The following SEL1L2 variants were observed in gnomAD, a reference collection of about 807,000 sequenced individuals.
The protein encoded by SEL1L2 is protein sel-1 homolog 2.
SEL1L2 carries 89 observed loss-of-function variants against 98.8 expected under a neutral mutation model. That is an observed-to-expected ratio of 0.90 (90% CI 0.76 to 1.07). SEL1L2 has a LOEUF of 1.07. Among genes scored for constraint, SEL1L2 ranks in the 50% least tolerant of loss-of-function variants. SEL1L2 has a pLI of 0.00. For missense variants in SEL1L2, 788 were observed against 812.0 expected (o/e 0.97, Z 0.36); for synonymous variants, 262 against 278.5 (o/e 0.94, Z 0.59).
At chr20:13,988,387 T>C (rs1361304231) in intron 1 of SEL1L2, among the ~76,000 whole-genome samples, 1 of 152,130 alleles carries the variant, frequency 6.6e-6, no homozygotes, top group Admixed American at 6.6e-5. Context: ...TTTCATGTGG[T>C]TATCCAGTTG....
chr20:13,991,513 T>C (rs1180300672), upstream of SEL1L2, among the ~76,000 whole-genome samples: 1 of 152,222 alleles, frequency 6.6e-6, no homozygotes, highest in African/African-American at 2.4e-5. Flanking sequence ...ATTCTTGGCC[T>C]GGAATTTTTC....
chr20:13,992,285 T>C (rs940111322), upstream of SEL1L2, among the ~76,000 whole-genome samples: 1 of 151,838 alleles, frequency 6.6e-6, no homozygotes, highest in African/African-American at 2.4e-5. Context: ...AGGTGGGTCA[T>C]CTGAGGTCAG....
chr20:13,887,837 A>C lies in SEL1L2; in HGVS notation c.677T>G (p.Leu226Trp), dbSNP rs749124437. 3 of 1,613,462 alleles carry C rather than the reference A, an allele frequency of 1.9e-6. No homozygotes were observed. The highest frequency in any genetic ancestry group is 2.5e-6 in the Non-Finnish European group (3 of 1,179,530). The change falls in exon 8 of 20, where the codon TTG (leucine) becomes TGG (tryptophan). Residue 226 changes from leucine (L) to tryptophan (W), a missense_variant. Leu to Trp is a moderately conservative substitution (Grantham distance 61). Coordinates refer to ENST00000284951, the MANE Select transcript of SEL1L2 (RefSeq NM_025229.2). ...ATTCTGTAGAACATTGATTCCCGACAAATATCTGTACCCCTAAAACACAGA... is the reference window on the plus strand; with the variant it reads ...ATTCTGTAGAACATTGATTCCCGACCAATATCTGTACCCCTAAAACACAGA... ...MSQMILGYRYLSGINVLQNCE... is the reference protein window; with the variant it reads ...MSQMILGYRYWSGINVLQNCE...
intron 5 of SEL1L2, among the ~76,000 whole-genome samples, chr20:13,902,502 G>T (rs896587610): frequency 6.6e-6 from 1 of 152,152 alleles, no homozygotes; most frequent in Non-Finnish European, 1.5e-5. Flanking sequence ...AGTCCATTGC[G>T]ATCATTATTC....
At chr20:13,852,213 A>G (rs1422064429) in intron 18 of SEL1L2, among the ~76,000 whole-genome samples, 3 of 152,162 alleles carry the variant, frequency 2.0e-5, no homozygotes, top group Admixed American at 1.3e-4. Flanking sequence ...ATAGTTATTC[A>G]CTTATGTCTT....
intron 9 of SEL1L2, among the ~76,000 whole-genome samples, 164 bp downstream of exon 9, chr20:13,886,124 T>C (rs1258495120): frequency 6.6e-6 from 1 of 152,110 alleles, no homozygotes; most frequent in Admixed American, 6.5e-5. Flanking sequence ...CTACAGGAAC[T>C]GTAAGTAGCA....
At chr20:13,869,652 C>T in intron 13 of SEL1L2, 62 bp from the exon 14 acceptor site, 3 of 1,249,364 alleles carry the variant, frequency 2.4e-6, no homozygotes, top group Non-Finnish European at 3.5e-6. Flanking sequence ...AAACAATTGC[C>T]TTCCACTTCT....
intron 2 of SEL1L2, among the ~76,000 whole-genome samples, chr20:13,932,407 A>AATTATTATTATT (rs140408055): frequency 6.9e-6 from 1 of 144,928 alleles, no homozygotes; most frequent in Non-Finnish European, 1.5e-5. Flanking sequence ...TTCCTTTGTC[A>AATTATTATTATT]ATTATTATTA....
intron 2 of SEL1L2, among the ~76,000 whole-genome samples, chr20:13,954,633 A>T (rs923518745): frequency 4.6e-5 from 7 of 152,138 alleles, no homozygotes; most frequent in Admixed American, 1.3e-4. Context: ...ACAAGGTTGG[A>T]AGGGGCCTAT....
At chr20:13,887,743 TA>T in intron 8 of SEL1L2, 25 bp downstream of exon 8, 1 of 1,443,156 alleles carries the variant, frequency 6.9e-7, no homozygotes, top group Non-Finnish European at 9.7e-7. Flanking sequence ...CTGTTTATTT[TA>T]AAATAAATTA....
At chr20:13,887,588 T>C (rs1455812992) in intron 8 of SEL1L2, among the ~76,000 whole-genome samples, 181 bp downstream of exon 8, 2 of 152,130 alleles carry the variant, frequency 1.3e-5, no homozygotes, top group Non-Finnish European at 2.9e-5. Flanking sequence ...TTTAAAACCA[T>C]TTGGAAAGTA....
chr20:13,894,227 G>A (rs186426530), intron 5 of SEL1L2, among the ~76,000 whole-genome samples: 1 of 152,214 alleles, frequency 6.6e-6, no homozygotes, highest in Admixed American at 6.6e-5. Context: ...CCAATACCAA[G>A]AAGTCAACAA....
rs768274020 is a variant in SEL1L2 at position 13,866,771 on chromosome 20, G to T, written c.1335C>A (p.Ala445=). ...CATACATCTTGGCCAGATAATAAAT[G>T]GCAAGGGGCTGCCCACTCTGAGATG... ...YLASQSGQPL[A]IYYLAKMYAT... is the part of the protein sequence containing the mutation. The change falls in exon 15 of 20, where the codon GCC becomes GCA. Residue 445 remains alanine, a synonymous_variant. Transcript: ENST00000284951. 50 of 1,612,748 alleles carry T rather than the reference G, an allele frequency of 3.1e-5. No individual in the cohort carries two copies. The highest frequency in any genetic ancestry group is 4.2e-5 in the Non-Finnish European group (50 of 1,179,498).
At chr20:13,929,550 C>T (rs1388401199) in intron 3 of SEL1L2, among the ~76,000 whole-genome samples, 1 of 115,450 alleles carries the variant, frequency 8.7e-6, no homozygotes, top group Non-Finnish European at 1.6e-5. Flanking sequence ...GGCTGGAGTG[C>T]AGTGGCCCGA....
chr20:13,894,299 C>T (rs1321256162), intron 5 of SEL1L2, among the ~76,000 whole-genome samples: 2 of 152,166 alleles, frequency 1.3e-5, no homozygotes, highest in Non-Finnish European at 2.9e-5. Context: ...GTGGCTCATG[C>T]CTGTAATCTC....
chr20:13,929,179 T>C (rs1459108085), intron 3 of SEL1L2, among the ~76,000 whole-genome samples: 1 of 152,140 alleles, frequency 6.6e-6, no homozygotes, highest in African/African-American at 2.4e-5. Context: ...TCTTTAGATA[T>C]GGGACTTGCC....
At chr20:13,897,787 C>A (rs1348887027) in intron 5 of SEL1L2, among the ~76,000 whole-genome samples, 1 of 152,114 alleles carries the variant, frequency 6.6e-6, no homozygotes, top group Non-Finnish European at 1.5e-5. Flanking sequence ...ATCGCTTGAA[C>A]CCAAAAGGTG....
chr20:13,849,638 C>A, intron 19 of SEL1L2, 34 bp from the exon 20 acceptor site: 3 of 1,608,048 alleles, frequency 1.9e-6, no homozygotes, highest in Non-Finnish European at 2.5e-6. Flanking sequence ...AAAAACAATC[C>A]AAGCTTCCCA....
intron 3 of SEL1L2, among the ~76,000 whole-genome samples, chr20:13,923,680 G>T (rs1452674632): frequency 1.3e-5 from 2 of 152,172 alleles, no homozygotes; most frequent in Non-Finnish European, 2.9e-5. Flanking sequence ...CTTGAACCCG[G>T]CAGGTGGAGT....
Sources: gnomAD v4.1 joint callset for allele counts (sites outside exome capture counted in the v4.1 genomes callset) on GRCh38, gnomAD v4.1.1 for gene constraint, MANE v1.5 for transcripts, NCBI Gene and HGNC (gene_info 2026-07-23, HGNC 2026-07-21) for gene names.